Variants in NRK observed in about 807,000 individuals in gnomAD.
NRK encodes the protein nik-related protein kinase.
Under a neutral mutation model 125.2 loss-of-function variants are expected in NRK, and 67 were observed. The ratio of observed to expected loss-of-function variants is 0.54; its 90% CI spans 0.44 to 0.66. The LOEUF is 0.66. Ranked by LOEUF, NRK falls within the 30% of genes least tolerant of loss-of-function variation. NRK has a pLI of 0.00. For missense variants in NRK, 1,224 were observed against 1,192.9 expected (o/e 1.03, Z -0.38); for synonymous variants, 458 against 429.0 (o/e 1.07, Z -0.84).
At chrX:105,923,016 C>A in intron 17 of NRK, 102 bp from the exon 18 acceptor site, 1 of 864,232 alleles carries the variant, frequency 1.2e-6, no homozygotes, top group Non-Finnish European at 1.6e-6. Context: ...ATCCTTGTTT[C>A]AGTTTAAAAT....
intron 23 of NRK, among the ~76,000 whole-genome samples, chrX:105,941,831 T>C (rs2040747005): frequency 9.0e-6 from 1 of 110,848 alleles, no homozygotes; most frequent in African/African-American, 3.3e-5. Context: ...GTCTATAGAG[T>C]TATGTGACAA....
rs763971292 is a variant in NRK at position 105,946,900 on chromosome X, C to G, written c.4353+436C>G. On this transcript the variant is annotated intron_variant, in intron 26 of 28. Coordinates refer to ENST00000243300, the MANE Select transcript of NRK (RefSeq NM_198465.4). ...ATGTTTATATATTTATAATAACTGA[C>G]CATAAAGTGTATTTGATTTTGCAGT... Among the ~76,000 whole-genome samples, 27 of 111,557 alleles carry G rather than the reference C, an allele frequency of 2.4e-4. No homozygotes were observed. The South Asian group carries it at 9.3e-3, about 39-fold the overall frequency.
At chrX:105,921,537 A>G (rs1288595230) in intron 16 of NRK, among the ~76,000 whole-genome samples, 2 of 109,707 alleles carry the variant, frequency 1.8e-5, no homozygotes, top group African/African-American at 6.6e-5. Context: ...TGGCTAGTCT[A>G]TCATCTTCTA....
chrX:105,871,421 T>C (rs2039745384), intron 2 of NRK, among the ~76,000 whole-genome samples: 1 of 110,781 alleles, frequency 9.0e-6, no homozygotes, highest in African/African-American at 3.3e-5. Flanking sequence ...CCACTGGGCT[T>C]TGGGCTCCCT....
At chrX:105,869,195 G>C (rs1342012874) in intron 2 of NRK, among the ~76,000 whole-genome samples, 2 of 111,272 alleles carry the variant, frequency 1.8e-5, no homozygotes, top group African/African-American at 6.5e-5. Flanking sequence ...TCAATTCAAG[G>C]CAACAGTCTA....
chrX:105,897,191 T>G (rs2040095954), intron 7 of NRK, among the ~76,000 whole-genome samples: 1 of 112,721 alleles, frequency 8.9e-6, no homozygotes, highest in Admixed American at 9.4e-5. Flanking sequence ...TTTCTCAGAT[T>G]ATCATTATTT....
chrX:105,895,320 T>C (rs1330463514), intron 6 of NRK, 113 bp from the exon 7 acceptor site: 1 of 583,705 alleles, frequency 1.7e-6, no homozygotes, highest in Non-Finnish European at 3.0e-6. Flanking sequence ...AATTAAGCTG[T>C]TTCTCTTATC....
intron 2 of NRK, among the ~76,000 whole-genome samples, chrX:105,840,322 A>G (rs747679703): frequency 4.5e-5 from 5 of 111,990 alleles, no homozygotes; most frequent in African/African-American, 1.3e-4. Context: ...TAATATGTTC[A>G]CAGATATATA....
At chrX:105,871,633 G>C (rs5962594) in intron 2 of NRK, among the ~76,000 whole-genome samples, 1 of 111,068 alleles carries the variant, frequency 9.0e-6, no homozygotes, top group Non-Finnish European at 1.9e-5. Context: ...AATTTAGAGA[G>C]GAAAGTTACC....
intron 9 of NRK, among the ~76,000 whole-genome samples, chrX:105,903,391 A>G (rs745454059): frequency 6.3e-5 from 7 of 111,492 alleles, no homozygotes; most frequent in Non-Finnish European, 1.3e-4. Flanking sequence ...ACCCCATCCC[A>G]TCAAGAGGCT....
chrX:105,939,919 A>G lies in NRK; in HGVS notation c.3845A>G (p.Asn1282Ser), dbSNP rs1211060887. The G allele has an allele frequency of 1.7e-6, 2 of 1,190,882 alleles. No homozygotes were observed. Among genetic ancestry groups the G allele is most frequent in the African/African-American group, 3.5e-5 (2 of 56,862 alleles). Residue 1282 changes from asparagine (N) to serine (S), a missense_variant, in exon 23 of 29, where the codon AAC becomes AGC. Physicochemically the swap from Asn to Ser is conservative, Grantham distance 46 (BLOSUM62 1). Transcript: ENST00000243300. The stretch of plus-strand genomic sequence containing the variant: ...GTGTATCATCTGACCTGGTTGAGGA[A>G]CAAGATTTTGAATAATGATCCAGAA... ...LRVYHLTWLR[N>S]KILNNDPESK...
chrX:105,862,419 A>C (rs977288269), intron 2 of NRK, among the ~76,000 whole-genome samples: 1 of 110,983 alleles, frequency 9.0e-6, no homozygotes, highest in African/African-American at 3.3e-5. Flanking sequence ...ATTTCCAATG[A>C]GAAAAAAAAA....
At chrX:105,942,353 A>G (rs2040754667) in intron 23 of NRK, among the ~76,000 whole-genome samples, 1 of 111,728 alleles carries the variant, frequency 9.0e-6, no homozygotes, top group African/African-American at 3.3e-5. Context: ...GCTATCTGTA[A>G]AGTATGAGAG....
At chrX:105,847,990 T>A (rs1336873418) in intron 2 of NRK, among the ~76,000 whole-genome samples, 1 of 112,346 alleles carries the variant, frequency 8.9e-6, no homozygotes, top group East Asian at 2.8e-4. Context: ...AAAAGTTTTT[T>A]ATCAATATGG....
At chrX:105,950,579 G>GTGT (rs2040882236) in intron 27 of NRK, among the ~76,000 whole-genome samples, 1 of 94,667 alleles carries the variant, frequency 1.1e-5, no homozygotes, top group Non-Finnish European at 2.2e-5. Context: ...TGTGTGTGTG[G>GTGT]AGAGAGAGAG....
chrX:105,891,849 T>C (rs972366100), intron 5 of NRK, among the ~76,000 whole-genome samples: 6 of 112,369 alleles, frequency 5.3e-5, no homozygotes, highest in African/African-American at 1.9e-4. Context: ...CATCCTCTAT[T>C]CTCTGACAAT....
At chrX:105,930,365 A>G (rs1382411521) in intron 19 of NRK, among the ~76,000 whole-genome samples, 1 of 109,094 alleles carries the variant, frequency 9.2e-6, no homozygotes, top group African/African-American at 3.3e-5. Context: ...GAAGCTCTGT[A>G]TTGTATTTTT....
At chrX:105,898,442 G>A in intron 7 of NRK, 142 bp from the exon 8 acceptor site, 1 of 474,325 alleles carries the variant, frequency 2.1e-6, no homozygotes, top group East Asian at 4.2e-5. Context: ...TCCTGGAGTA[G>A]ACTTCATGGT....
intron 27 of NRK, among the ~76,000 whole-genome samples, chrX:105,950,397 G>C (rs895994015): frequency 9.0e-6 from 1 of 110,829 alleles, no homozygotes; most frequent in Non-Finnish European, 1.9e-5. Flanking sequence ...AGTGACCCCA[G>C]ACGTGATTCT....
Sources: allele counts gnomAD v4.1 joint callset (sites outside exome capture counted in the v4.1 genomes callset), GRCh38; gene constraint gnomAD v4.1.1; transcripts MANE v1.5; gene names NCBI Gene and HGNC (gene_info 2026-07-23, HGNC 2026-07-21).